The following ZNF469 variants were observed in gnomAD, a reference collection of about 807,000 sequenced individuals.
The protein encoded by ZNF469 is zinc finger protein 469.
In ZNF469, 1 loss-of-function variant was observed where a neutral mutation model predicts 1.0. The observed-to-expected ratio is 1.00, with a 90% CI of 0.35 to 4.73. ZNF469 has a LOEUF of 4.73. Among genes scored for constraint, ZNF469 ranks in the 30% most tolerant of loss-of-function variants. The pLI, the probability that ZNF469 is intolerant of heterozygous loss-of-function variation, is 0.16. For synonymous variants in ZNF469, 2,703 were observed against 2,363.4 expected, an observed-to-expected ratio of 1.14 and a Z score of -4.17; for missense variants, 6,100 against 5,356.3, an observed-to-expected ratio of 1.14 and a Z score of -4.33.
At chr16:88,109,574 C>T in the ZNF469 span, among the ~76,000 whole-genome samples, 1 of 145,456 alleles carries the variant, frequency 6.9e-6, no homozygotes, top group Non-Finnish European at 1.5e-5. Flanking sequence ...CACGCTGTCT[C>T]CTCTCCAGGA....
chr16:88,144,270 G>T, the ZNF469 span, among the ~76,000 whole-genome samples: 7 of 152,200 alleles, frequency 4.6e-5, no homozygotes, highest in Non-Finnish European at 8.8e-5. Flanking sequence ...TACTACGTCT[G>T]TTTGTTGATT....
chr16:88,428,437 G>C lies in ZNF469; in HGVS notation c.967G>C (p.Ala323Pro). Reference sequence around the variant, plus strand: ...GGAGGAGGCCGTGGGCACGGGCCCTGCCTACCCGCTGCCCACCCAGCCTGC... The same window carrying C: ...GGAGGAGGCCGTGGGCACGGGCCCTCCCTACCCGCTGCCCACCCAGCCTGC... ...WPEEAVGTGPAYPLPTQPAPS... is the reference protein window; with the variant it reads ...WPEEAVGTGPPYPLPTQPAPS... Residue 323 changes from alanine (A) to proline (P), a missense_variant, in exon 3 of 3, where the codon GCC (alanine) becomes CCC (proline). Transcript: ENST00000565624. The C allele has an allele frequency of 6.5e-7, 1 of 1,548,122 alleles. No homozygotes were observed. The highest frequency in any genetic ancestry group is 1.2e-5 in the South Asian group (1 of 84,044).
chr16:88,376,911 C>T, the ZNF469 span, among the ~76,000 whole-genome samples: 2 of 152,204 alleles, frequency 1.3e-5, no homozygotes, highest in Admixed American at 6.5e-5. Context: ...TCCCAGCGTG[C>T]CCCGAGGCCC....
the ZNF469 span, among the ~76,000 whole-genome samples, chr16:88,138,513 G>C: frequency 2.0e-5 from 3 of 152,164 alleles, no homozygotes; most frequent in Non-Finnish European, 4.4e-5. Flanking sequence ...TAGTAGAAAA[G>C]TCATCTTTTT....
At chr16:88,360,734 G>T in the ZNF469 span, among the ~76,000 whole-genome samples, 1 of 126,970 alleles carries the variant, frequency 7.9e-6, no homozygotes, top group African/African-American at 3.1e-5. Context: ...GCGCCCGCAT[G>T]CTCCCTCAAA....
At chr16:88,121,124 GA>G in the ZNF469 span, among the ~76,000 whole-genome samples, 1 of 146,546 alleles carries the variant, frequency 6.8e-6, no homozygotes, top group East Asian at 2.0e-4. Flanking sequence ...GGGGGGTCGG[GA>G]GGGGGGCGCT....
the ZNF469 span, among the ~76,000 whole-genome samples, chr16:88,135,030 C>G: frequency 7.9e-4 from 120 of 152,250 alleles, no homozygotes; most frequent in Non-Finnish European, 2.6e-4. Flanking sequence ...AGGGGTCAGT[C>G]CACCCCCATG....
the ZNF469 span, among the ~76,000 whole-genome samples, chr16:88,160,968 C>A: frequency 6.6e-6 from 1 of 152,168 alleles, no homozygotes; most frequent in Admixed American, 6.5e-5. Flanking sequence ...CATGGCAAAA[C>A]AATGTCTCTA....
the ZNF469 span, among the ~76,000 whole-genome samples, chr16:88,280,276 A>G: frequency 6.6e-6 from 1 of 151,028 alleles, no homozygotes. Flanking sequence ...GTGCACGGTT[A>G]GTGCTGTGCC....
At chr16:88,397,159 T>C (rs764832209) in intron 1 of ZNF469, among the ~76,000 whole-genome samples, 10 of 152,234 alleles carry the variant, frequency 6.6e-5, no homozygotes, top group Non-Finnish European at 1.3e-4. Context: ...CTGAGGCCTC[T>C]GTCTGACCAG....
chr16:88,252,911 G>A, the ZNF469 span, among the ~76,000 whole-genome samples: 1 of 152,308 alleles, frequency 6.6e-6, no homozygotes, highest in South Asian at 2.1e-4. Context: ...TCTATAGCCT[G>A]CGTTATTTCT....
the ZNF469 span, among the ~76,000 whole-genome samples, chr16:88,255,930 C>G: frequency 6.6e-6 from 1 of 152,186 alleles, no homozygotes; most frequent in Admixed American, 6.5e-5. Flanking sequence ...TGGCATGTTT[C>G]TGGTTGGAGA....
chr16:88,280,178 C>T, the ZNF469 span, among the ~76,000 whole-genome samples: 5 of 151,146 alleles, frequency 3.3e-5, no homozygotes, highest in African/African-American at 4.9e-5. Context: ...TGCTGCACCA[C>T]GCTGACGCTT....
intron 1 of ZNF469, among the ~76,000 whole-genome samples, chr16:88,395,057 C>T (rs1904615318): frequency 6.6e-6 from 1 of 152,228 alleles, no homozygotes; most frequent in African/African-American, 2.4e-5. Flanking sequence ...TCACGTGCCC[C>T]CCGCCGCAAG....
At chr16:88,341,851 G>A in the ZNF469 span, among the ~76,000 whole-genome samples, 2 of 152,198 alleles carry the variant, frequency 1.3e-5, no homozygotes, top group African/African-American at 4.8e-5. Flanking sequence ...TGGGGACCAA[G>A]GTCATGATGG....
At chr16:88,242,853 A>G in the ZNF469 span, among the ~76,000 whole-genome samples, 1 of 152,238 alleles carries the variant, frequency 6.6e-6, no homozygotes, top group African/African-American at 2.4e-5. Context: ...AGCAGCCTGG[A>G]GCACGCATTC....
At chr16:88,388,188 C>A (rs1904387707) in intron 1 of ZNF469, among the ~76,000 whole-genome samples, 1 of 152,240 alleles carries the variant, frequency 6.6e-6, no homozygotes, top group African/African-American at 2.4e-5. Flanking sequence ...GCAGCCCCGG[C>A]CGAGGGAGCT....
rs1388799029 is a variant in ZNF469 at position 88,428,816 on chromosome 16, C to T, written c.1346C>T (p.Pro449Leu). The change falls in exon 3 of 3, where the codon CCC (proline) becomes CTC (leucine). Residue 449 changes from proline to leucine, a missense_variant. Pro to Leu is a moderately conservative substitution (Grantham distance 98). Transcript: ENST00000565624. ...QLWDPTAAPY[P>L]TPPGGPLAAT... ...TGGGACCCCACAGCAGCCCCTTACC[C>T]CACACCTCCTGGGGGCCCCCTGGCT... is the stretch of plus-strand genomic sequence containing the variant. The T allele has an allele frequency of 5.8e-6, 9 of 1,547,616 alleles. No individual in the cohort carries two copies. Among genetic ancestry groups the T allele is most frequent in the Non-Finnish European group, 7.9e-6 (9 of 1,146,354 alleles).
At chr16:88,279,547 A>G in the ZNF469 span, among the ~76,000 whole-genome samples, 3 of 143,452 alleles carry the variant, frequency 2.1e-5, no homozygotes, top group Non-Finnish European at 3.0e-5. Context: ...CCTTGTAGAT[A>G]TCAGTGCACG....
Sources: allele counts gnomAD v4.1 joint callset (sites outside exome capture counted in the v4.1 genomes callset), GRCh38; gene constraint gnomAD v4.1.1; transcripts MANE v1.5; gene names NCBI Gene and HGNC (gene_info 2026-07-23, HGNC 2026-07-21).